NUP210L: variants seen among roughly 807,000 people sequenced by gnomAD.
NUP210L encodes the protein nucleoporin 210 like, also known as nuclear pore membrane glycoprotein 210-like.
In NUP210L, 74 loss-of-function variants were observed where a neutral mutation model predicts 208.5. That is an observed-to-expected ratio of 0.35 (90% CI 0.29 to 0.43). The LOEUF (loss-of-function observed/expected upper bound fraction) is 0.43. NUP210L is among the 20% of genes least tolerant of loss of function. The pLI, the probability that NUP210L is intolerant of heterozygous loss-of-function variation, is 1.00. For synonymous variants in NUP210L, 780 were observed against 816.9 expected (o/e 0.95, Z 0.77); for missense variants, 1,843 against 2,289.4 (o/e 0.81, Z 3.98).
intron 18 of NUP210L, among the ~76,000 whole-genome samples, chr1:154,061,265 C>A (rs1557948698): frequency 6.6e-6 from 1 of 151,900 alleles, no homozygotes; most frequent in Admixed American, 6.6e-5. Flanking sequence ...GTAATCCCAG[C>A]TAGTTGGGAG....
rs747523771 is a variant in NUP210L at position 154,001,919 on chromosome 1, G to C, written c.4997C>G (p.Ala1666Gly). The change falls in exon 36 of 40, where the codon GCT becomes GGT. Residue 1666 changes from alanine (A) to glycine (G), a missense_variant. By Grantham distance (60) the Ala-to-Gly change is moderately conservative. Coordinates refer to ENST00000368559, the Ensembl canonical transcript of NUP210L. ...AGCCCACCCATAGACTGAGGTGTCA[G>C]CCACACTGAGGGCCTGTAGCAGCTC... 3.1e-6 allele frequency: 5 copies of C among 1,614,060 alleles called. No homozygotes were observed. Among genetic ancestry groups the C allele is most frequent in the Non-Finnish European group, 1.7e-6 (2 of 1,179,960 alleles).
chr1:154,096,899 G>A (rs1656205864), intron 14 of NUP210L, among the ~76,000 whole-genome samples: 1 of 152,048 alleles, frequency 6.6e-6, no homozygotes, highest in African/African-American at 2.4e-5. Context: ...TGGCCATCAT[G>A]GCAAAACCCC....
At chr1:153,992,921 T>G (rs770354958) in exon 40 of NUP210L, 4 of 1,611,408 alleles carry the variant, frequency 2.5e-6, no homozygotes, top group Non-Finnish European at 3.4e-6. Context: ...GGAGAACTTG[T>G]GGAGTTAAAA....
chr1:154,119,531 T>C (rs1042214120), intron 10 of NUP210L, among the ~76,000 whole-genome samples: 1 of 152,038 alleles, frequency 6.6e-6, no homozygotes, highest in Admixed American at 6.6e-5. Context: ...GAGGTTGCAG[T>C]AAGCTGAGAT....
chr1:154,007,999 G>A (rs1198611238), intron 35 of NUP210L, among the ~76,000 whole-genome samples: 1 of 151,934 alleles, frequency 6.6e-6, no homozygotes, highest in Non-Finnish European at 1.5e-5. Flanking sequence ...AGCCTCCCGA[G>A]TAGCTGGGGC....
intron 29 of NUP210L, among the ~76,000 whole-genome samples, chr1:154,026,559 A>G (rs113792102): frequency 0.28 from 41,773 of 151,702 alleles, 6,009 homozygotes; most frequent in Admixed American, 0.37. Flanking sequence ...TGTTGATCAG[A>G]CTGGTCTCGA....
At chr1:154,035,463 T>C (rs931744859) in intron 27 of NUP210L, among the ~76,000 whole-genome samples, 28 of 151,732 alleles carry the variant, frequency 1.8e-4, no homozygotes, top group East Asian at 3.9e-4. Flanking sequence ...AATGGCGCGA[T>C]CTTGGATCAC....
At chr1:154,083,042 G>A (rs1205482723) in intron 16 of NUP210L, among the ~76,000 whole-genome samples, 1 of 152,206 alleles carries the variant, frequency 6.6e-6, no homozygotes, top group Non-Finnish European at 1.5e-5. Context: ...TGAAGGTAGT[G>A]TGGACCCAAA....
At chr1:154,062,163 AC>A (rs1654175410) in intron 17 of NUP210L, among the ~76,000 whole-genome samples, 1 of 152,030 alleles carries the variant, frequency 6.6e-6, no homozygotes, top group Admixed American at 6.6e-5. Flanking sequence ...GCCAATATGT[AC>A]CCATATGACC....
intron 27 of NUP210L, among the ~76,000 whole-genome samples, chr1:154,031,925 T>C (rs1652253034): frequency 6.6e-6 from 1 of 151,974 alleles, no homozygotes; most frequent in African/African-American, 2.4e-5. Context: ...AGACCGAGTC[T>C]CACTATGTTG....
chr1:154,087,091 G>A (rs986790779), intron 16 of NUP210L, among the ~76,000 whole-genome samples: 14 of 151,874 alleles, frequency 9.2e-5, no homozygotes, highest in African/African-American at 1.2e-4. Context: ...AGGCCGAGGC[G>A]GGTGGATCAG....
intron 36 of NUP210L, 73 bp downstream of exon 36, chr1:154,001,662 T>C (rs933258033): frequency 1.1e-5 from 17 of 1,508,956 alleles, no homozygotes; most frequent in Admixed American, 1.8e-5. Context: ...TCTTTTGCCC[T>C]TGAAGTGAGA....
chr1:154,118,041 G>T (rs1303582822), intron 11 of NUP210L, among the ~76,000 whole-genome samples, 161 bp from the exon 12 acceptor site: 1 of 152,146 alleles, frequency 6.6e-6, no homozygotes. Context: ...TGGGCATGGT[G>T]CCTTACACCT....
chr1:154,028,424 T>G (rs2147939518), intron 28 of NUP210L, among the ~76,000 whole-genome samples: 1 of 152,092 alleles, frequency 6.6e-6, no homozygotes, highest in South Asian at 2.1e-4. Flanking sequence ...CCATCTCTAC[T>G]AAAAATACAA....
At chr1:154,121,343 T>C (rs1192245568) in intron 10 of NUP210L, among the ~76,000 whole-genome samples, 2 of 152,106 alleles carry the variant, frequency 1.3e-5, no homozygotes, top group African/African-American at 4.8e-5. Flanking sequence ...TTAAGTCTAA[T>C]ATCAGGGAAC....
rs768222935 is a variant in NUP210L at position 154,132,806 on chromosome 1, G to A, written c.1009+3008C>T. Among the ~76,000 whole-genome samples, 4 of 152,216 alleles carry A rather than the reference G, an allele frequency of 2.6e-5. No individual in the cohort carries two copies. The South Asian group carries it at 8.3e-4, about 32-fold the overall frequency. On this transcript the variant is annotated intron_variant, in intron 7 of 39. Transcript: ENST00000368559. Reference sequence around the variant, plus strand: ...CTAGGTACCTTAAAATGACTAAAAAGCAAACAACATTGGATCAATAACTCT... The same window carrying A: ...CTAGGTACCTTAAAATGACTAAAAAACAAACAACATTGGATCAATAACTCT...
Position 154,025,571 on chromosome 1 carries a change from C to T in NUP210L, c.4093G>A (p.Val1365Ile), listed in dbSNP as rs956892396. The stretch of plus-strand genomic sequence containing the variant: ...ACCCCAGTTATGGTTGTTTGGTTGA[C>T]TCCAAAAGGTTCTATAGAAGTGACT... Residue 1365 changes from valine (V) to isoleucine (I), a missense_variant, in exon 30 of 40, where the codon GTC becomes ATC. Around this residue, in one of 5 missense-constraint regions of NUP210L, gnomAD observed 781 missense variants for 973.8 expected, o/e 0.80. Coordinates refer to ENST00000368559, the Ensembl canonical transcript of NUP210L. 2.5e-6 allele frequency: 4 copies of T among 1,612,124 alleles called. No individual in the cohort carries two copies. In the African/African-American group the frequency reaches 5.3e-5, roughly 22 times the overall value.
At chr1:154,074,647 C>A (rs1654944859) in intron 16 of NUP210L, among the ~76,000 whole-genome samples, 1 of 152,072 alleles carries the variant, frequency 6.6e-6, no homozygotes, top group African/African-American at 2.4e-5. Context: ...CGCCACTACG[C>A]CTGGCTAATT....
At chr1:154,000,749 CAGTT>C (rs1650162787) in intron 37 of NUP210L, 103 bp downstream of exon 37, 2 of 915,420 alleles carry the variant, frequency 2.2e-6, no homozygotes, top group Non-Finnish European at 3.5e-6. Flanking sequence ...CCGTGGTTGA[CAGTT>C]AAGTGAAATG....
Sources: gnomAD v4.1 joint callset for allele counts (sites outside exome capture counted in the v4.1 genomes callset) on GRCh38, gnomAD v4.1.1 for gene constraint, gnomAD v4.1.1 regional missense constraint, MANE v1.5 for transcripts, NCBI Gene and HGNC (gene_info 2026-07-23, HGNC 2026-07-21) for gene names.